COBL: variants seen among roughly 807,000 people sequenced by gnomAD.
The protein encoded by COBL is cordon-bleu WH2 repeat protein.
In COBL, 51 loss-of-function variants were observed where a neutral mutation model predicts 98.8. That is an observed-to-expected ratio of 0.52 (90% CI 0.41 to 0.65). The LOEUF is 0.65. Ranked by LOEUF, COBL falls within the 30% of genes least tolerant of loss-of-function variation. The probability of loss-of-function intolerance (pLI) is 0.00; values close to 1 mark genes in which losing one functional copy is unlikely to be tolerated. For missense variants in COBL, 1,617 were observed against 1,617.5 expected (o/e 1.00, Z 0.01); for synonymous variants, 634 against 651.7 (o/e 0.97, Z 0.41).
At chr7:51,277,245 A>C (rs1799391605) in intron 1 of COBL, among the ~76,000 whole-genome samples, 1 of 152,188 alleles carries the variant, frequency 6.6e-6, no homozygotes, top group Admixed American at 6.5e-5. Context: ...CTCTCACGGA[A>C]GCCTGAGGGT....
chr7:51,281,790 T>G (rs544029654), intron 1 of COBL, among the ~76,000 whole-genome samples: 1 of 152,282 alleles, frequency 6.6e-6, no homozygotes, highest in African/African-American at 2.4e-5. Flanking sequence ...TTAAAGTAAG[T>G]TCTTCAGATA....
intron 2 of COBL, among the ~76,000 whole-genome samples, chr7:51,202,008 T>C (rs1191555370): frequency 6.6e-6 from 1 of 152,200 alleles, no homozygotes; most frequent in Non-Finnish European, 1.5e-5. Context: ...CTGTATACTC[T>C]ACCCACCTAC....
chr7:51,160,663 C>G (rs1161038129), intron 5 of COBL, among the ~76,000 whole-genome samples: 1 of 152,114 alleles, frequency 6.6e-6, no homozygotes, highest in African/African-American at 2.4e-5. Context: ...GAAGACAAGG[C>G]TCTAAGAGGT....
At position 51,208,388 on chromosome 7, in the gene COBL, G is replaced by T. The variant is rs546896183; in HGVS notation, c.245+11353C>A. 4.0e-3 allele frequency among the ~76,000 whole-genome samples: 496 copies of T among 125,170 alleles called. 4 individuals carry two copies. Among genetic ancestry groups the T allele is most frequent in the African/African-American group, 0.014 (474 of 33,424 alleles). 82.1% of individuals were successfully genotyped at this position (125,170 alleles called of 152,430 possible). ...AGCCGCCCCGTCTGGGAGGGAGGTG[G>T]GGGGGGTCAGCCCCCCGCCCGGCCA... On this transcript the variant is annotated intron_variant, in intron 2 of 12. Coordinates refer to ENST00000265136, the MANE Select transcript of COBL (RefSeq NM_015198.5).
chr7:51,147,751 T>C (rs2129017723), intron 5 of COBL, among the ~76,000 whole-genome samples: 1 of 150,934 alleles, frequency 6.6e-6, no homozygotes, highest in East Asian at 2.0e-4. Flanking sequence ...GATTTTTCTT[T>C]TCTTTTTTTT....
intron 7 of COBL, among the ~76,000 whole-genome samples, chr7:51,076,958 G>C (rs1483837391): frequency 2.6e-5 from 4 of 152,158 alleles, no homozygotes; most frequent in Non-Finnish European, 4.4e-5. Context: ...AATTAAAATA[G>C]ATAATTCATA....
chr7:51,109,615 C>T (rs1796644515), intron 6 of COBL, among the ~76,000 whole-genome samples: 1 of 152,080 alleles, frequency 6.6e-6, no homozygotes, highest in African/African-American at 2.4e-5. Context: ...TTCTGTCTCT[C>T]AGAGTCAGTT....
At chr7:51,272,491 C>T (rs963000876) in intron 1 of COBL, among the ~76,000 whole-genome samples, 23 of 152,178 alleles carry the variant, frequency 1.5e-4, no homozygotes, top group African/African-American at 5.1e-4. Flanking sequence ...TATTTATCTC[C>T]CTATTTATCA....
chr7:51,112,035 C>T (rs549079390), intron 6 of COBL, among the ~76,000 whole-genome samples: 1 of 152,084 alleles, frequency 6.6e-6, no homozygotes, highest in Non-Finnish European at 1.5e-5. Flanking sequence ...GGCACGGGGA[C>T]CACTAAGAAC....
intron 6 of COBL, among the ~76,000 whole-genome samples, chr7:51,117,889 C>CTT (rs1355307839): frequency 6.6e-6 from 1 of 152,184 alleles, no homozygotes; most frequent in Non-Finnish European, 1.5e-5. Context: ...ACTGGATTCA[C>CTT]TTTAAGTCCT....
rs180868342 is a variant in COBL, at chr7:51,191,102, G to A, written c.457-24C>T. ...TTCTGGAAGAACACACAGGCAAAAA[G>A]AATTCAGTAAGATATCCTCCCACAA... On this transcript the variant is annotated intron_variant, in intron 3 of 12. Transcript: ENST00000265136. 3.1e-6 allele frequency: 5 copies of A among 1,601,550 alleles called. No homozygotes were observed. In the East Asian group the frequency reaches 1.1e-4, roughly 36 times the overall value.
At chr7:51,263,531 A>C (rs1048320976) in intron 1 of COBL, among the ~76,000 whole-genome samples, 2 of 152,188 alleles carry the variant, frequency 1.3e-5, no homozygotes, top group African/African-American at 4.8e-5. Flanking sequence ...TAAAACAGAA[A>C]AAAAAGTTCT....
At chr7:51,039,635 AG>A (rs534681357) in intron 8 of COBL, among the ~76,000 whole-genome samples, 6 of 152,280 alleles carry the variant, frequency 3.9e-5, no homozygotes, top group African/African-American at 1.4e-4. Context: ...AATATAGCAC[AG>A]GGAATACTTC....
At chr7:51,291,640 A>G (rs1800903690) in intron 1 of COBL, among the ~76,000 whole-genome samples, 1 of 151,972 alleles carries the variant, frequency 6.6e-6, no homozygotes, top group Non-Finnish European at 1.5e-5. Context: ...GGATGCCTGT[A>G]ATCCCAGCTA....
chr7:51,076,931 A>C (rs1477395199), intron 7 of COBL, among the ~76,000 whole-genome samples: 2 of 152,228 alleles, frequency 1.3e-5, no homozygotes, highest in Admixed American at 1.3e-4. Flanking sequence ...TTGATCTTTA[A>C]ATCTCCAAGG....
intron 1 of COBL, among the ~76,000 whole-genome samples, chr7:51,316,186 G>C (rs1803562744): frequency 6.6e-6 from 1 of 152,136 alleles, no homozygotes; most frequent in Non-Finnish European, 1.5e-5. Flanking sequence ...GGGCAAGCCC[G>C]CAGGGAAGAG....
chr7:51,215,442 G>C (rs1452013177), intron 2 of COBL, among the ~76,000 whole-genome samples: 2 of 152,142 alleles, frequency 1.3e-5, no homozygotes, highest in Non-Finnish European at 2.9e-5. Context: ...AACATCACAG[G>C]GAGGTTGGGA....
At chr7:51,045,659 A>G (rs1219820393) in intron 7 of COBL, among the ~76,000 whole-genome samples, 1 of 152,178 alleles carries the variant, frequency 6.6e-6, no homozygotes, top group Non-Finnish European at 1.5e-5. Context: ...AGGCCCTCAG[A>G]GCACCTGGTA....
At position 51,316,644 on chromosome 7, in the gene COBL, G is replaced by A. The variant is rs1803640814; in HGVS notation, c.-11C>T. The A allele has an allele frequency of 3.3e-6, 4 of 1,196,178 alleles. No homozygotes were observed. Among genetic ancestry groups the A allele is most frequent in the South Asian group, 4.2e-5 (1 of 24,076 alleles). 74.1% of individuals were successfully genotyped at this position (1,196,178 alleles called of 1,614,324 possible). The stretch of plus-strand genomic sequence containing the variant: ...GCGCGGCGCGTCCATGGTGCCGGGG[G>A]CCGGGACGCGGGCGGTGCTCCGGGC... On this transcript the variant is annotated 5_prime_UTR_variant, in exon 1 of 13. Transcript: ENST00000265136.
Sources: allele counts gnomAD v4.1 joint callset (sites outside exome capture counted in the v4.1 genomes callset), GRCh38; gene constraint gnomAD v4.1.1; transcripts MANE v1.5; gene names NCBI Gene and HGNC (gene_info 2026-07-23, HGNC 2026-07-21).